DPH6: variants seen among roughly 807,000 people sequenced by gnomAD.
DPH6 encodes diphthine--ammonia ligase.
A neutral mutation model predicts 38.2 loss-of-function variants in DPH6; 33 were observed. That is an observed-to-expected ratio of 0.86 (90% CI 0.65 to 1.15). DPH6 has a LOEUF of 1.15. Among genes scored for constraint, DPH6 ranks in the 50% most tolerant of loss-of-function variants. The probability of loss-of-function intolerance (pLI) is 0.00; values close to 1 mark genes in which losing one functional copy is unlikely to be tolerated. For synonymous variants in DPH6, 108 were observed against 103.0 expected (o/e 1.05, Z -0.30); for missense variants, 325 against 320.0 (o/e 1.02, Z -0.12).
At chr15:35,538,976 A>G (rs2055213557) in intron 2 of DPH6, among the ~76,000 whole-genome samples, 1 of 152,120 alleles carries the variant, frequency 6.6e-6, no homozygotes, top group Non-Finnish European at 1.5e-5. Flanking sequence ...AGGACCTTAT[A>G]ATAAAACATG....
the DPH6 span, among the ~76,000 whole-genome samples, chr15:35,193,981 T>A: frequency 6.6e-6 from 1 of 152,186 alleles, no homozygotes; most frequent in Non-Finnish European, 1.5e-5. Flanking sequence ...CTTATTCTGA[T>A]GTTTAGCTTT....
At chr15:35,304,687 C>CTATTTT (rs1421165199) in intron 3 of DPH6, among the ~76,000 whole-genome samples, 2 of 151,678 alleles carry the variant, frequency 1.3e-5, no homozygotes, top group Admixed American at 6.6e-5. Context: ...GTAAGAGTGC[C>CTATTTT]TATTTTTATT....
intron 8 of DPH6, among the ~76,000 whole-genome samples, chr15:35,372,597 A>C (rs549803860): frequency 6.6e-6 from 1 of 152,048 alleles, no homozygotes; most frequent in East Asian, 1.9e-4. Flanking sequence ...AAGGTCACCA[A>C]TAGTCATCAT....
At chr15:35,383,447 C>T (rs1456446942) in intron 6 of DPH6, among the ~76,000 whole-genome samples, 1 of 152,168 alleles carries the variant, frequency 6.6e-6, no homozygotes, top group Non-Finnish European at 1.5e-5. Context: ...CCAGGCCTTG[C>T]TAGATGATGA....
chr15:35,324,300 T>C (rs2052265000), intron 3 of DPH6, among the ~76,000 whole-genome samples: 1 of 152,148 alleles, frequency 6.6e-6, no homozygotes, highest in Admixed American at 6.5e-5. Flanking sequence ...CATAAAGTTA[T>C]AAGGCATCTT....
the DPH6 span, among the ~76,000 whole-genome samples, chr15:35,177,605 T>A: frequency 1.6e-4 from 20 of 123,142 alleles, no homozygotes; most frequent in Non-Finnish European, 2.2e-4. Flanking sequence ...AAAAAAATCA[T>A]CATCATCATC....
At chr15:35,169,743 C>T in the DPH6 span, 69 of 152,198 alleles carry the variant, frequency 4.5e-4, no homozygotes, top group African/African-American at 1.5e-3. Flanking sequence ...TGGGACATAA[C>T]TGTTATTATG....
chr15:35,166,720 T>C, the DPH6 span, among the ~76,000 whole-genome samples: 1 of 151,948 alleles, frequency 6.6e-6, no homozygotes, highest in Admixed American at 6.6e-5. Context: ...AAGTGAGTAA[T>C]TGTAATGTTT....
the DPH6 span, among the ~76,000 whole-genome samples, chr15:35,173,374 A>G: frequency 6.6e-6 from 1 of 152,096 alleles, no homozygotes; most frequent in Non-Finnish European, 1.5e-5. Flanking sequence ...CCTTAAAACC[A>G]CTTAAATATG....
rs1386055830 is a variant in DPH6, at chr15:35,227,924, GTA to G, written n.201-7344_201-7343del. The stretch of plus-strand genomic sequence containing the variant: ...CATATTGTTTAATTTTCATGTATTT[GTA>G]TAGTTTCCAAAATTTCTCATTATTG... On this transcript the variant is annotated intron_variant and non_coding_transcript_variant, in intron 3 of 3. Coordinates refer to the DPH6 transcript ENST00000560386. 4.6e-5 allele frequency among the ~76,000 whole-genome samples: 7 copies of G among 151,994 alleles called. No homozygotes were observed. In the East Asian group the frequency reaches 1.4e-3, roughly 29 times the overall value.
At chr15:35,454,921 C>CATTAATTTGTTAG in intron 3 of DPH6, 101 bp from the exon 4 acceptor site, 1 of 816,586 alleles carries the variant, frequency 1.2e-6, no homozygotes, top group Non-Finnish European at 1.9e-6. Context: ...ATCTAGAAAA[C>CATTAATTTGTTAG]TACCTCAAAC....
intron 3 of DPH6, among the ~76,000 whole-genome samples, chr15:35,458,124 TTTTA>T (rs1056352364): frequency 4.6e-5 from 7 of 152,312 alleles, no homozygotes; most frequent in Admixed American, 1.3e-4. Flanking sequence ...AAATTTGTAT[TTTTA>T]TTTTTGTATT....
chr15:35,274,847 AT>A (rs757268129), intron 3 of DPH6, among the ~76,000 whole-genome samples: 1 of 152,190 alleles, frequency 6.6e-6, no homozygotes, highest in Non-Finnish European at 1.5e-5. Context: ...TTCCTCAAGG[AT>A]CTAGAACCAG....
intron 3 of DPH6, chr15:35,520,695 T>C: frequency 1.0e-6 from 1 of 985,096 alleles, no homozygotes; most frequent in Non-Finnish European, 1.2e-6. Context: ...GCTGAACCTC[T>C]GTAGAAACAT....
At chr15:35,396,656 G>A (rs2053137612) in intron 6 of DPH6, among the ~76,000 whole-genome samples, 1 of 151,958 alleles carries the variant, frequency 6.6e-6, no homozygotes, top group Non-Finnish European at 1.5e-5. Flanking sequence ...CTCTCTTAAA[G>A]TACATTTTAA....
intron 3 of DPH6, among the ~76,000 whole-genome samples, chr15:35,282,338 A>AT (rs1253102659): frequency 6.6e-6 from 1 of 151,976 alleles, no homozygotes; most frequent in East Asian, 1.9e-4. Context: ...CAACTGGCTA[A>AT]TTTTTTTATT....
intron 4 of DPH6, among the ~76,000 whole-genome samples, chr15:35,453,394 C>G (rs2053959878): frequency 6.6e-6 from 1 of 152,088 alleles, no homozygotes; most frequent in East Asian, 1.9e-4. Context: ...AGTTTGGCTA[C>G]CCATTAAAGC....
chr15:35,261,145 A>G (rs985983332), intron 3 of DPH6, among the ~76,000 whole-genome samples: 1 of 152,152 alleles, frequency 6.6e-6, no homozygotes, highest in African/African-American at 2.4e-5. Flanking sequence ...TTCGTTCTTT[A>G]ATGAGATGCC....
chr15:35,370,464 A>C (rs1358974959), downstream of DPH6, among the ~76,000 whole-genome samples: 4 of 151,842 alleles, frequency 2.6e-5, no homozygotes, highest in South Asian at 2.1e-4. Flanking sequence ...GTTATCCAAA[A>C]TATGCAAAGA....
Sources: gnomAD v4.1 joint callset for allele counts (sites outside exome capture counted in the v4.1 genomes callset) on GRCh38, gnomAD v4.1.1 for gene constraint, MANE v1.5 for transcripts, NCBI Gene and HGNC (gene_info 2026-07-23, HGNC 2026-07-21) for gene names.